Variants in KLK15 observed in about 807,000 individuals in gnomAD.
KLK15 encodes kallikrein-15.
A neutral mutation model predicts 21.1 loss-of-function variants in KLK15; 19 were observed. That is an observed-to-expected ratio of 0.90 (90% CI 0.63 to 1.32). The LOEUF (loss-of-function observed/expected upper bound fraction) is 1.32, where lower values mean the gene tolerates loss of function less well. KLK15 is among the 40% of genes most tolerant of loss of function. KLK15 has a pLI of 0.00. For synonymous variants in KLK15, 141 were observed against 141.5 expected, an observed-to-expected ratio of 1.00 and a Z score of 0.03; for missense variants, 345 against 348.6, an observed-to-expected ratio of 0.99 and a Z score of 0.08.
At chr19:50,828,765 C>T (rs1035795522) in intron 1 of KLK15, among the ~76,000 whole-genome samples, 2 of 151,170 alleles carry the variant, frequency 1.3e-5, no homozygotes, top group Middle Eastern at 3.4e-3. Flanking sequence ...GTCAGGAGTT[C>T]GAGACCAGCC....
chr19:50,825,950 T>C lies in KLK15; in HGVS notation c.619-2A>G. 3.7e-6 allele frequency: 6 copies of C among 1,610,504 alleles called. No homozygotes were observed. The highest frequency in any genetic ancestry group is 5.1e-6 in the Non-Finnish European group (6 of 1,177,824). On this transcript the variant is annotated splice_acceptor_variant, in intron 4 of 4. Coordinates refer to ENST00000598239, the Ensembl canonical transcript of KLK15. LOFTEE classifies it high-confidence loss of function. ...GACCAGGGGTCCCCCAGAGTCACCC[T>C]GTGGGGAAAAGAGGGGGTCTCAGGT... is the stretch of plus-strand genomic sequence containing the variant.
chr19:50,829,404 G>T (rs574607059), intron 1 of KLK15, among the ~76,000 whole-genome samples: 2 of 151,724 alleles, frequency 1.3e-5, no homozygotes, highest in Non-Finnish European at 2.9e-5. Context: ...ATGACACCTG[G>T]ATTTAGTCAC....
intron 4 of KLK15, 54 bp from the exon 6 acceptor site, chr19:50,826,002 C>T (rs1164115003): frequency 4.6e-6 from 7 of 1,532,358 alleles, no homozygotes; most frequent in Admixed American, 3.7e-5. Flanking sequence ...GATTCATCCT[C>T]ATCCTAATCA....
chr19:50,829,629 T>G (rs1423540415), intron 1 of KLK15, among the ~76,000 whole-genome samples: 1 of 151,530 alleles, frequency 6.6e-6, no homozygotes, highest in African/African-American at 2.4e-5. Flanking sequence ...AAATCCCGTC[T>G]CTACTAAAAA....
At chr19:50,831,362 T>C in intron 1 of KLK15, 88 bp downstream of exon 2, 1 of 955,546 alleles carries the variant, frequency 1.0e-6, no homozygotes, top group Non-Finnish European at 1.5e-6. Flanking sequence ...CTGGGTGAGG[T>C]AGGGGCTGGC....
At chr19:50,827,900 T>A in intron 1 of KLK15, 85 bp from the exon 3 acceptor site, 1 of 1,255,568 alleles carries the variant, frequency 8.0e-7, no homozygotes, top group Admixed American at 2.0e-5. Flanking sequence ...CTAACTACTA[T>A]ATGCCTATGC....
chr19:50,832,557 T>A (rs1054650674), upstream of KLK15, among the ~76,000 whole-genome samples: 155 of 119,418 alleles, frequency 1.3e-3, no homozygotes, highest in African/African-American at 4.1e-3. Flanking sequence ...TCCTGACCTC[T>A]AGTGATCCAC....
intron 1 of KLK15, among the ~76,000 whole-genome samples, chr19:50,828,098 A>G (rs938549527): frequency 6.7e-4 from 101 of 151,414 alleles, no homozygotes; most frequent in African/African-American, 2.4e-3. Context: ...GGTGCCCGCC[A>G]CCACACCTGG....
intron 2 of KLK15, 130 bp downstream of exon 3, chr19:50,827,532 G>T (rs912820032): frequency 7.6e-6 from 7 of 922,790 alleles, no homozygotes; most frequent in Non-Finnish European, 1.1e-5. Flanking sequence ...CTAACCCAGG[G>T]GCTTGACATC....
Position 50,827,400 on chromosome 19 carries a change from C to T in KLK15, c.198-239G>A, listed in dbSNP as rs1452170501. ...CTCGATCCCCTCCAACTACTCCCAG[C>T]CCCCTCCTGGTCTGTCCCCGAATCC... On this transcript the variant is annotated intron_variant, in intron 2 of 4. Coordinates refer to ENST00000598239, the Ensembl canonical transcript of KLK15. 1.3e-5 allele frequency among the ~76,000 whole-genome samples: 2 copies of T among 151,702 alleles called. 1 individual carries two copies. The highest frequency in any genetic ancestry group is 4.8e-5 in the African/African-American group (2 of 41,378).
intron 2 of KLK15, 135 bp downstream of exon 3, chr19:50,827,527 C>G: frequency 6.7e-6 from 6 of 894,612 alleles, no homozygotes; most frequent in Non-Finnish European, 1.0e-5. Flanking sequence ...CCTTCCTAAC[C>G]CAGGGGCTTG....
chr19:50,826,719 T>C, exon 4 of KLK15: 1 of 1,614,114 alleles, frequency 6.2e-7, no homozygotes, highest in Non-Finnish European at 8.5e-7. Flanking sequence ...TCCGAGATAA[T>C]GCTGATGTTG....
At chr19:50,828,969 C>CAAAAAAAAAAAA in intron 1 of KLK15, among the ~76,000 whole-genome samples, 1 of 56,642 alleles carries the variant, frequency 1.8e-5, no homozygotes, top group African/African-American at 7.4e-5. Flanking sequence ...AACTCCATCT[C>CAAAAAAAAAAAA]AAAAAAAAAA....
At chr19:50,832,322 C>CTTTCTTT (rs1555766936), upstream of KLK15, among the ~76,000 whole-genome samples, 1 of 109,436 alleles carries the variant, frequency 9.1e-6, no homozygotes. Flanking sequence ...CTTTTTTTTT[C>CTTTCTTT]TTTTTTTTTT....
At chr19:50,830,829 G>A (rs1229913703) in intron 1 of KLK15, among the ~76,000 whole-genome samples, 1 of 152,178 alleles carries the variant, frequency 6.6e-6, no homozygotes, top group African/African-American at 2.4e-5. Context: ...GAGGTCGGTG[G>A]TGCCCACCAC....
At chr19:50,831,564 T>C, upstream of KLK15, 12 of 1,243,446 alleles carry the variant, frequency 9.7e-6, no homozygotes, top group African/African-American at 3.2e-5. Context: ...GCAGGACCCT[T>C]CTGCCTCCAC....
At chr19:50,829,241 C>T (rs952400748) in intron 1 of KLK15, among the ~76,000 whole-genome samples, 4 of 151,496 alleles carry the variant, frequency 2.6e-5, no homozygotes, top group African/African-American at 9.7e-5. Flanking sequence ...GTAAGTTATT[C>T]GACCTGTCTG....
intron 2 of KLK15, 30 bp from the exon 4 acceptor site, chr19:50,827,191 G>T: frequency 6.4e-7 from 1 of 1,554,796 alleles, no homozygotes; most frequent in Non-Finnish European, 8.7e-7. Flanking sequence ...TCCCGCCAGT[G>T]GAGTGCGGGC....
At chr19:50,826,676 A>G (rs1219444851) in exon 4 of KLK15, 5 of 1,613,626 alleles carry the variant, frequency 3.1e-6, no homozygotes, top group Non-Finnish European at 4.2e-6. Flanking sequence ...GGTGTTTGTC[A>G]GGCGCCCTGG....
Sources: allele counts gnomAD v4.1 joint callset (sites outside exome capture counted in the v4.1 genomes callset), GRCh38; gene constraint gnomAD v4.1.1; transcripts MANE v1.5; gene names NCBI Gene and HGNC (gene_info 2026-07-23, HGNC 2026-07-21).